Variants in TANC2 observed in about 807,000 individuals in gnomAD.
TANC2 encodes protein TANC2.
A neutral mutation model predicts 210.5 loss-of-function variants in TANC2; 26 were observed. That is an observed-to-expected ratio of 0.12 (90% confidence interval 0.09 to 0.17). TANC2 has a LOEUF of 0.17. Among genes scored for constraint, TANC2 ranks in the 10% least tolerant of loss-of-function variants. The probability of loss-of-function intolerance (pLI) is 1.00; values close to 1 mark genes in which losing one functional copy is unlikely to be tolerated. For synonymous variants in TANC2, 931 were observed against 967.1 expected (o/e 0.96, Z 0.69); for missense variants, 2,129 against 2,608.9 (o/e 0.82, Z 4.01).
chr17:62,996,284 T>C (rs2033103314), intron 1 of TANC2, among the ~76,000 whole-genome samples: 1 of 152,220 alleles, frequency 6.6e-6, no homozygotes, highest in Admixed American at 6.5e-5. Flanking sequence ...GTGGACAAAC[T>C]GTAACCCAGC....
At chr17:63,326,877 T>C (rs1183791678) in intron 11 of TANC2, among the ~76,000 whole-genome samples, 1 of 151,128 alleles carries the variant, frequency 6.6e-6, no homozygotes, top group Non-Finnish European at 1.5e-5. Context: ...AATAGACAAA[T>C]GGAATGACAT....
At chr17:63,123,473 T>A (rs2038568217) in intron 4 of TANC2, among the ~76,000 whole-genome samples, 2 of 150,646 alleles carry the variant, frequency 1.3e-5, no homozygotes. Flanking sequence ...GCAGGAGAGT[T>A]GCTTGAACCC....
rs138692208 is a variant in TANC2 at position 63,073,713 on chromosome 17, GA to G, written c.68-225del. Among the ~76,000 whole-genome samples, 557 of 152,112 alleles carry G rather than the reference GA, an allele frequency of 3.7e-3. 7 individuals carry two copies. Among genetic ancestry groups the G allele is most frequent in the African/African-American group, 0.013 (545 of 41,500 alleles). ...TAGAGTATATACATATGGGGGAGGGGAAAAACACCTACACTTTCTTAAGACT... is the reference window on the plus strand; with the variant it reads ...TAGAGTATATACATATGGGGGAGGGGAAAACACCTACACTTTCTTAAGACT... On this transcript the variant is annotated intron_variant, in intron 2 of 27. Coordinates refer to ENST00000689528, the Ensembl canonical transcript of TANC2.
chr17:63,289,246 G>A (rs951473246), intron 9 of TANC2, among the ~76,000 whole-genome samples: 9 of 152,002 alleles, frequency 5.9e-5, no homozygotes, highest in African/African-American at 2.2e-4. Context: ...AGTCATTATT[G>A]TTTCAAATAT....
chr17:63,323,575 T>G (rs1219276664), intron 11 of TANC2, among the ~76,000 whole-genome samples: 1 of 152,226 alleles, frequency 6.6e-6, no homozygotes, highest in Non-Finnish European at 1.5e-5. Context: ...GCCCCTGTGG[T>G]AATACACACA....
At chr17:63,349,275 A>C (rs934875291) in intron 12 of TANC2, among the ~76,000 whole-genome samples, 1 of 152,232 alleles carries the variant, frequency 6.6e-6, no homozygotes, top group Admixed American at 6.5e-5. Flanking sequence ...TAATTTTATT[A>C]GCAAATGAAT....
intron 7 of TANC2, among the ~76,000 whole-genome samples, chr17:63,213,864 A>G (rs999345509): frequency 2.0e-5 from 3 of 152,232 alleles, no homozygotes; most frequent in African/African-American, 7.2e-5. Flanking sequence ...GGTTCCCAAC[A>G]TTTTCAGCAC....
rs1289017515 is a variant in TANC2, at chr17:63,421,854, G to A, written c.6124G>A (p.Ala2042Thr). The A allele has an allele frequency of 1.9e-6, 3 of 1,614,028 alleles. No individual in the cohort carries two copies. The highest frequency in any genetic ancestry group is 2.5e-6 in the Non-Finnish European group (3 of 1,179,906). The change falls in exon 28 of 28, where the codon GCA becomes ACA. Residue 2042 changes from alanine to threonine, a missense_variant. Ala to Thr is a moderately conservative substitution (Grantham distance 58). Transcript: ENST00000689528. This position sits in a 1 kb window ranked among gnomAD's most constrained non-coding sequence, Gnocchi z 6.9. ...AGCTCGGACTCTACCTGTGGCTCAG[G>A]CATACCAGGACAACCTGTACAGGCA...
intron 3 of TANC2, among the ~76,000 whole-genome samples, chr17:63,077,247 C>T (rs1407498349): frequency 6.6e-6 from 1 of 152,144 alleles, no homozygotes; most frequent in African/African-American, 2.4e-5. Context: ...AATTTTCAAT[C>T]TCTGAATTCC....
intron 9 of TANC2, among the ~76,000 whole-genome samples, chr17:63,286,367 G>A (rs566650549): frequency 2.0e-5 from 3 of 152,218 alleles, no homozygotes; most frequent in Admixed American, 6.5e-5. Flanking sequence ...TTTGAAAGAT[G>A]TTTTCACTGG....
chr17:63,103,063 G>C lies in TANC2; in HGVS notation c.322+3706G>C, dbSNP rs576407626. 4.7e-4 allele frequency among the ~76,000 whole-genome samples: 72 copies of C among 152,250 alleles called. 1 individual carries two copies. The East Asian group carries it at 0.012, about 24-fold the overall frequency. On this transcript the variant is annotated intron_variant, in intron 4 of 27. Coordinates refer to ENST00000689528, the Ensembl canonical transcript of TANC2. ...AAGGATTTGAGCATAATCCAAGGAAGGTCCTGGAACCAGTCCCCCATGGAT... is the reference window on the plus strand; with the variant it reads ...AAGGATTTGAGCATAATCCAAGGAACGTCCTGGAACCAGTCCCCCATGGAT...
chr17:63,007,511 A>G (rs981674319), intron 1 of TANC2, among the ~76,000 whole-genome samples: 15 of 152,156 alleles, frequency 9.9e-5, no homozygotes, highest in Non-Finnish European at 2.1e-4. Flanking sequence ...ATTTATCCAC[A>G]GATCTATGCT....
chr17:63,135,644 T>C (rs1157324290), intron 4 of TANC2, among the ~76,000 whole-genome samples: 1 of 152,208 alleles, frequency 6.6e-6, no homozygotes, highest in African/African-American at 2.4e-5. Context: ...TTTTCTCTTA[T>C]ATATTTTATT....
intron 4 of TANC2, among the ~76,000 whole-genome samples, chr17:63,130,198 A>T (rs2038867329): frequency 6.6e-6 from 1 of 152,076 alleles, no homozygotes; most frequent in Non-Finnish European, 1.5e-5. Context: ...TTTTGTTGTT[A>T]TTTAGGTAGC....
chr17:63,118,694 C>T (rs943540673), intron 4 of TANC2, among the ~76,000 whole-genome samples: 5 of 151,982 alleles, frequency 3.3e-5, no homozygotes, highest in East Asian at 1.9e-4. Flanking sequence ...GCTGCAGCCT[C>T]GACCTCCCAG....
chr17:63,406,064 G>C (rs2048496409), intron 20 of TANC2, 90 bp from the exon 21 acceptor site: 2 of 1,533,068 alleles, frequency 1.3e-6, no homozygotes, highest in South Asian at 2.4e-5. Context: ...TACAGCAGTA[G>C]GAATTCCTAC....
intron 9 of TANC2, among the ~76,000 whole-genome samples, chr17:63,281,610 G>T (rs1167826868): frequency 1.3e-5 from 2 of 151,958 alleles, no homozygotes; most frequent in African/African-American, 4.8e-5. Context: ...GAATCCAGAG[G>T]TTCTAAAATG....
chr17:63,210,458 C>A (rs981514809), intron 7 of TANC2, among the ~76,000 whole-genome samples: 1 of 152,194 alleles, frequency 6.6e-6, no homozygotes, highest in Non-Finnish European at 1.5e-5. Flanking sequence ...AGACTCATTG[C>A]CAATAACCAG....
At chr17:63,034,689 C>T (rs2034903322) in intron 2 of TANC2, among the ~76,000 whole-genome samples, 1 of 152,064 alleles carries the variant, frequency 6.6e-6, no homozygotes, top group South Asian at 2.1e-4. Flanking sequence ...GAAGTTGATT[C>T]CAACCCTCAT....
Sources: allele counts gnomAD v4.1 joint callset (sites outside exome capture counted in the v4.1 genomes callset), GRCh38; gene constraint gnomAD v4.1.1; non-coding constraint Gnocchi (gnomAD v3.1); transcripts MANE v1.5; gene names NCBI Gene and HGNC (gene_info 2026-07-23, HGNC 2026-07-21).